The following RTN4 variants were observed in gnomAD, a reference collection of about 807,000 sequenced individuals.
RTN4 encodes reticulon 4.
A neutral mutation model predicts 90.4 loss-of-function variants in RTN4; 32 were observed. The ratio of observed to expected loss-of-function variants is 0.35; its 90% CI spans 0.27 to 0.48. The LOEUF (loss-of-function observed/expected upper bound fraction) is 0.48, where lower values mean the gene tolerates loss of function less well. Among genes scored for constraint, RTN4 ranks in the 20% least tolerant of loss-of-function variants. The pLI is 0.99. For missense variants in RTN4, 1,706 were observed against 1,430.2 expected, an observed-to-expected ratio of 1.19 and a Z score of -3.11; for synonymous variants, 629 against 552.5, an observed-to-expected ratio of 1.14 and a Z score of -1.94.
chr2:55,092,386 C>T (rs1411022114), intron 1 of RTN4, among the ~76,000 whole-genome samples: 1 of 152,020 alleles, frequency 6.6e-6, no homozygotes, highest in Non-Finnish European at 1.5e-5. Context: ...CAGGCATTCA[C>T]CACCACCCCT....
upstream of RTN4, among the ~76,000 whole-genome samples, chr2:55,054,505 T>C (rs1051492040): frequency 1.3e-5 from 2 of 152,234 alleles, no homozygotes; most frequent in African/African-American, 4.8e-5. Context: ...ATTTGCAGAA[T>C]GCTAAATTGA....
At chr2:54,981,134 T>C (rs1160721747) in intron 5 of RTN4, among the ~76,000 whole-genome samples, 1 of 152,194 alleles carries the variant, frequency 6.6e-6, no homozygotes, top group Non-Finnish European at 1.5e-5. Flanking sequence ...TATTTACCCT[T>C]GATGTTATTA....
intron 3 of RTN4, among the ~76,000 whole-genome samples, chr2:54,992,802 G>A (rs1679113680): frequency 6.6e-6 from 1 of 152,068 alleles, no homozygotes; most frequent in Admixed American, 6.6e-5. Flanking sequence ...GGGCGTGGTG[G>A]CTCACGCCTG....
At chr2:55,101,127 T>G (rs896687863) in intron 1 of RTN4, among the ~76,000 whole-genome samples, 2 of 152,008 alleles carry the variant, frequency 1.3e-5, no homozygotes, top group African/African-American at 4.8e-5. Flanking sequence ...TAGGATTATA[T>G]TTTAGTAAAA....
chr2:55,047,987 A>G (rs1243248041), intron 1 of RTN4, among the ~76,000 whole-genome samples: 1 of 152,202 alleles, frequency 6.6e-6, no homozygotes, highest in Non-Finnish European at 1.5e-5. Flanking sequence ...TCGTTGTGCA[A>G]ACCTCACAGT....
intron 3 of RTN4, among the ~76,000 whole-genome samples, chr2:54,992,587 A>C (rs1679095651): frequency 6.6e-6 from 1 of 152,200 alleles, no homozygotes; most frequent in Non-Finnish European, 1.5e-5. Flanking sequence ...ACTATAATTA[A>C]GTTGTTGAAA....
chr2:54,983,352 T>C (rs67259950), intron 4 of RTN4, among the ~76,000 whole-genome samples: 1 of 141,512 alleles, frequency 7.1e-6, no homozygotes, highest in East Asian at 2.0e-4. Context: ...AATAAATAAA[T>C]AAAAATACTA....
intron 1 of RTN4, 34 bp downstream of exon 1, chr2:55,049,711 G>T: frequency 7.1e-7 from 1 of 1,411,850 alleles, no homozygotes. Context: ...AGGGGCGCGA[G>T]GGGCGGCGCG....
intron 1 of RTN4, among the ~76,000 whole-genome samples, chr2:55,041,554 A>G (rs926256323): frequency 2.6e-5 from 4 of 152,092 alleles, no homozygotes; most frequent in Non-Finnish European, 4.4e-5. Flanking sequence ...GAAATATTTC[A>G]CCCATACTAC....
chr2:55,017,917 T>C (rs1163592240), intron 3 of RTN4, among the ~76,000 whole-genome samples: 1 of 152,142 alleles, frequency 6.6e-6, no homozygotes, highest in Non-Finnish European at 1.5e-5. Flanking sequence ...CCTGCTAAAG[T>C]TAGGACAATA....
At chr2:55,017,667 G>A (rs908538336) in intron 3 of RTN4, among the ~76,000 whole-genome samples, 1 of 152,180 alleles carries the variant, frequency 6.6e-6, no homozygotes, top group Admixed American at 6.5e-5. Flanking sequence ...GGAAACATGA[G>A]CACCTTTCTG....
At chr2:55,077,259 T>C (rs1433745524) in intron 2 of RTN4, among the ~76,000 whole-genome samples, 1 of 152,062 alleles carries the variant, frequency 6.6e-6, no homozygotes, top group Non-Finnish European at 1.5e-5. Context: ...GTGATCCTCC[T>C]GCCTCGGCCT....
In RTN4 at chr2:55,026,033, T is replaced by A. The variant is rs765900092; in HGVS notation, c.2066A>T (p.Glu689Val). The change falls in exon 3 of 9, where the codon GAA becomes GTA. Residue 689 changes from glutamate (E) to valine (V), a missense_variant. By Grantham distance (121) the Glu-to-Val change is moderately radical. Transcript: ENST00000337526. The part of the protein sequence containing the change: ...EPENINAALQ[E>V]TEAPYISIAC... ...AATAGATATATAAGGAGCTTCTGTT[T>A]CTTGAAGAGCTGCATTAATATTTTC... 1 of 1,611,394 alleles carries A rather than the reference T, an allele frequency of 6.2e-7. No individual in the cohort carries two copies. Among genetic ancestry groups the A allele is most frequent in the South Asian group, 1.1e-5 (1 of 90,382 alleles).
At chr2:55,035,884 T>A (rs1160152655) in intron 1 of RTN4, among the ~76,000 whole-genome samples, 1 of 152,256 alleles carries the variant, frequency 6.6e-6, no homozygotes, top group East Asian at 1.9e-4. Flanking sequence ...AGTTTCTTTA[T>A]ACCCAGTCAT....
intron 2 of RTN4, among the ~76,000 whole-genome samples, chr2:55,076,389 CTTTTTTTTTTTTTT>C (rs58070912): frequency 2.9e-4 from 19 of 64,648 alleles, no homozygotes; most frequent in African/African-American, 1.2e-3. Context: ...TTCTTTTGTT[CTTTTTTTTTTTTTT>C]TTTTTTTTTT....
chr2:55,055,326 C>T (rs776650132), upstream of RTN4, among the ~76,000 whole-genome samples: 9 of 151,948 alleles, frequency 5.9e-5, no homozygotes, highest in Admixed American at 1.3e-4. Flanking sequence ...AAAGAGTCCA[C>T]AAAATTTAAC....
At chr2:55,123,832 G>A in the RTN4 span, among the ~76,000 whole-genome samples, 27 of 151,844 alleles carry the variant, frequency 1.8e-4, no homozygotes, top group Admixed American at 1.2e-3. Flanking sequence ...TTTTGAATAA[G>A]GACTCTGCAT....
chr2:55,088,167 T>G (rs1486479392), intron 1 of RTN4, among the ~76,000 whole-genome samples: 1 of 152,224 alleles, frequency 6.6e-6, no homozygotes, highest in African/African-American at 2.4e-5. Flanking sequence ...AGCTAGGACA[T>G]GGGCTGCTGG....
At chr2:55,007,309 T>C (rs1323305472) in intron 3 of RTN4, among the ~76,000 whole-genome samples, 3 of 152,170 alleles carry the variant, frequency 2.0e-5, no homozygotes. Context: ...ACAGTCATCC[T>C]AACTGGTGTG....
Sources: gnomAD v4.1 joint callset for allele counts (sites outside exome capture counted in the v4.1 genomes callset) on GRCh38, gnomAD v4.1.1 for gene constraint, MANE v1.5 for transcripts, NCBI Gene and HGNC (gene_info 2026-07-23, HGNC 2026-07-21) for gene names.